Variants in CCNJL observed in about 807,000 individuals in gnomAD.
CCNJL encodes the protein cyclin-J-like protein.
CCNJL carries 33 observed loss-of-function variants against 33.4 expected under a neutral mutation model. The ratio of observed to expected loss-of-function variants is 0.99; its 90% CI spans 0.75 to 1.32. The LOEUF is 1.32. Among genes scored for constraint, CCNJL ranks in the 40% most tolerant of loss-of-function variants. The probability of loss-of-function intolerance (pLI) is 0.00; values close to 1 mark genes in which losing one functional copy is unlikely to be tolerated. For synonymous variants in CCNJL, 227 were observed against 220.9 expected (o/e 1.03, Z -0.24); for missense variants, 512 against 499.7 (o/e 1.02, Z -0.23).
In CCNJL at chr5:160,249,793, T is replaced by A. The variant is rs918308484; in HGVS notation, c.*3585A>T. The A allele has an allele frequency of 2.4e-5, 3 of 126,792 alleles. No homozygotes were observed. The highest frequency in any genetic ancestry group is 5.2e-5 in the Non-Finnish European group (3 of 57,908). 7.9% of individuals were successfully genotyped at this position (126,792 alleles called of 1,614,324 possible). A position where few individuals can be genotyped will look rare whatever the true frequency, so the allele number is the denominator to read the frequency against. On this transcript the variant is annotated 3_prime_UTR_variant, in exon 6 of 6. Transcript: ENST00000257536. ...ATAAATAAATAAATAAATAAATAAA[T>A]AAATAAATAAATAAAATAAAAATTT... is the stretch of plus-strand genomic sequence containing the variant.
chr5:160,270,534 G>A (rs1761794091), intron 3 of CCNJL, among the ~76,000 whole-genome samples: 1 of 151,884 alleles, frequency 6.6e-6, no homozygotes, highest in Admixed American at 6.6e-5. Flanking sequence ...CCGTGATCAT[G>A]CTACTGTACT....
chr5:160,262,736 C>G (rs1761398549), intron 3 of CCNJL, among the ~76,000 whole-genome samples: 1 of 152,204 alleles, frequency 6.6e-6, no homozygotes, highest in African/African-American at 2.4e-5. Flanking sequence ...CAGAGTTAAC[C>G]TGGGCTTGGC....
intron 2 of CCNJL, among the ~76,000 whole-genome samples, chr5:160,295,520 T>C (rs1472331355): frequency 1.3e-5 from 2 of 152,046 alleles, no homozygotes; most frequent in Admixed American, 1.3e-4. Flanking sequence ...ATAGAGTCTT[T>C]ACAGATGCAA....
chr5:160,260,150 A>C (rs974803795), intron 3 of CCNJL, among the ~76,000 whole-genome samples: 2 of 152,164 alleles, frequency 1.3e-5, no homozygotes, highest in Non-Finnish European at 2.9e-5. Context: ...GGGGCTGGGG[A>C]ATAAGGTGCC....
At chr5:160,316,181 G>A (rs1240241295), upstream of CCNJL, among the ~76,000 whole-genome samples, 1 of 152,134 alleles carries the variant, frequency 6.6e-6, no homozygotes, top group Non-Finnish European at 1.5e-5. Flanking sequence ...CCTTAGCAGA[G>A]AAGGCTTCCT....
Position 160,259,688 on chromosome 5 carries a change from G to A in CCNJL, c.364C>T (p.Leu122Phe). The change falls in exon 4 of 6, where the codon CTC becomes TTC. Residue 122 changes from leucine (L) to phenylalanine (F), a missense_variant. Coordinates refer to ENST00000257536, the MANE Select transcript of CCNJL (RefSeq NM_001308173.3). ...GTGCTCAGCAGCTCCTTCTTGGTGA[G>A]GGTGAAGTTCTGGCTGCTCAGGATC... ...TRILSSQNFTLTKKELLSTEL... is the reference protein window; with the variant it reads ...TRILSSQNFTFTKKELLSTEL... The A allele has an allele frequency of 1.2e-6, 2 of 1,614,166 alleles. No individual in the cohort carries two copies. The highest frequency in any genetic ancestry group is 1.7e-6 in the Non-Finnish European group (2 of 1,180,004).
chr5:160,282,966 A>AATATAT (rs70990720), intron 2 of CCNJL, among the ~76,000 whole-genome samples: 739 of 43,096 alleles, frequency 0.017, 36 homozygotes, highest in Non-Finnish European at 0.025. Context: ...CAGTCCTTGG[A>AATATAT]ATATATATAT....
rs1761232704 is a variant in CCNJL at position 160,259,654 on chromosome 5, A to G, written c.398T>C (p.Leu133Pro). The change falls in exon 4 of 6, where the codon CTG becomes CCG. Residue 133 changes from leucine (L) to proline (P), a missense_variant. By Grantham distance (98) the Leu-to-Pro change is moderately conservative. Transcript: ENST00000257536. Reference sequence around the variant, plus strand: ...GTTCCAGCTGAAGGCCTCCAGGAGCAGCAGCTCTGTGCTCAGCAGCTCCTT... The same window carrying G: ...GTTCCAGCTGAAGGCCTCCAGGAGCGGCAGCTCTGTGCTCAGCAGCTCCTT... The part of the protein sequence containing the change: ...TKKELLSTEL[L>P]LLEAFSWNLC... 6.2e-7 allele frequency: 1 copy of G among 1,614,032 alleles called. No individual in the cohort carries two copies. The highest frequency in any genetic ancestry group is 1.3e-5 in the African/African-American group (1 of 74,924).
At chr5:160,280,106 C>T (rs1346422351) in intron 3 of CCNJL, among the ~76,000 whole-genome samples, 1 of 152,190 alleles carries the variant, frequency 6.6e-6, no homozygotes, top group Non-Finnish European at 1.5e-5. Context: ...GGGTTCCCCT[C>T]CCAGCACGTT....
chr5:160,257,573 G>C (rs1381556754), intron 4 of CCNJL, among the ~76,000 whole-genome samples: 1 of 152,106 alleles, frequency 6.6e-6, no homozygotes, highest in Non-Finnish European at 1.5e-5. Flanking sequence ...AGCTCTCAGG[G>C]AGGTAGAGGT....
chr5:160,338,385 C>T (rs549221428), intron 1 of CCNJL, among the ~76,000 whole-genome samples: 210 of 118,636 alleles, frequency 1.8e-3, no homozygotes, highest in Non-Finnish European at 2.5e-3. Context: ...CAGAGTGAGA[C>T]CCTGTCCCCC....
chr5:160,265,900 A>T (rs1198526529), intron 3 of CCNJL, among the ~76,000 whole-genome samples: 2 of 152,146 alleles, frequency 1.3e-5, no homozygotes, highest in Non-Finnish European at 2.9e-5. Context: ...CAATGCCTTT[A>T]AAAACAAGCA....
chr5:160,270,639 C>T (rs748840533), intron 3 of CCNJL, among the ~76,000 whole-genome samples: 1 of 152,134 alleles, frequency 6.6e-6, no homozygotes, highest in African/African-American at 2.4e-5. Flanking sequence ...ACCACTGAGG[C>T]TAGGATTTAC....
At chr5:160,277,670 GCTGAGCC>G (rs1762060640) in intron 3 of CCNJL, among the ~76,000 whole-genome samples, 1 of 151,912 alleles carries the variant, frequency 6.6e-6, no homozygotes, top group Non-Finnish European at 1.5e-5. Context: ...TGGGTCCCTG[GCTGAGCC>G]CTGTTGGACG....
At chr5:160,278,697 C>G (rs1022415193) in intron 3 of CCNJL, among the ~76,000 whole-genome samples, 1 of 152,202 alleles carries the variant, frequency 6.6e-6, no homozygotes, top group Admixed American at 6.5e-5. Context: ...GCTCCCCAGA[C>G]AGACACTCGG....
chr5:160,282,259 G>A (rs958633567), intron 2 of CCNJL, among the ~76,000 whole-genome samples: 3 of 152,110 alleles, frequency 2.0e-5, no homozygotes, highest in African/African-American at 7.2e-5. Context: ...TAAGTATGAA[G>A]TACCTTCTCT....
intron 2 of CCNJL, among the ~76,000 whole-genome samples, chr5:160,306,245 T>C (rs988831933): frequency 1.4e-4 from 17 of 125,824 alleles, no homozygotes; most frequent in Non-Finnish European, 2.7e-4. Context: ...CTCTCCAGCT[T>C]GGGTGACAGA....
chr5:160,303,142 A>G (rs1762976907), intron 2 of CCNJL, among the ~76,000 whole-genome samples: 3 of 152,242 alleles, frequency 2.0e-5, no homozygotes, highest in Admixed American at 2.0e-4. Flanking sequence ...GTGGAGAAGA[A>G]TGATATGGAA....
At chr5:160,270,886 A>T (rs527253692) in intron 3 of CCNJL, among the ~76,000 whole-genome samples, 1 of 152,334 alleles carries the variant, frequency 6.6e-6, no homozygotes, top group East Asian at 1.9e-4. Flanking sequence ...GGTCTGCTCC[A>T]GTCCAAGAAT....
Sources: gnomAD v4.1 joint callset for allele counts (sites outside exome capture counted in the v4.1 genomes callset) on GRCh38, gnomAD v4.1.1 for gene constraint, MANE v1.5 for transcripts, NCBI Gene and HGNC (gene_info 2026-07-23, HGNC 2026-07-21) for gene names.